The following LMF1 variants were observed in gnomAD, a reference collection of about 807,000 sequenced individuals.
The protein encoded by LMF1 is transmembrane protein 112.
A neutral mutation model predicts 60.6 loss-of-function variants in LMF1; 68 were observed. The observed-to-expected ratio is 1.12, with a 90% confidence interval of 0.92 to 1.37. The LOEUF is 1.37. Among genes scored for constraint, LMF1 ranks in the 40% most tolerant of loss-of-function variants. The pLI is 0.00. For synonymous variants in LMF1, 418 were observed against 324.7 expected (o/e 1.29, Z -3.09); for missense variants, 948 against 767.2 (o/e 1.24, Z -2.78).
intron 10 of LMF1, among the ~76,000 whole-genome samples, chr16:864,596 T>C (rs1345934815): frequency 6.6e-6 from 1 of 152,230 alleles, no homozygotes; most frequent in Non-Finnish European, 1.5e-5. Flanking sequence ...ATTTTTGACT[T>C]ACATTTTCAA....
chr16:972,595 GGC>G (rs1038936012), upstream of LMF1, among the ~76,000 whole-genome samples: 1 of 152,232 alleles, frequency 6.6e-6, no homozygotes, highest in African/African-American at 2.4e-5. Flanking sequence ...CTGGGTGCCA[GGC>G]CTGCTAGGGG....
At position 869,315 on chromosome 16, in the gene LMF1, C is replaced by G. The variant is rs1338756834; in HGVS notation, c.1417-259G>C. On this transcript the variant is annotated intron_variant, in intron 9 of 10. Transcript: ENST00000262301. ...CTTGGAGCCTGTCCACCCCAGCACC[C>G]TCTGTCTGGGCCTTGCCTCCCTGAG... 19 of 671,742 alleles carry G rather than the reference C, an allele frequency of 2.8e-5. No individual in the cohort carries two copies. In the Admixed American group the frequency reaches 3.9e-4, roughly 14 times the overall value. The allele number at this position is 671,742 out of a possible 1,614,324, so 41.6% of individuals were successfully genotyped here. A position where few individuals can be genotyped will look rare whatever the true frequency, so the allele number is the denominator to read the frequency against.
intron 1 of LMF1, chr16:977,039 G>T: frequency 2.2e-6 from 1 of 454,212 alleles, no homozygotes; most frequent in Non-Finnish European, 4.4e-6. Flanking sequence ...GCTGCAGGCA[G>T]ACGTAAGCTG....
chr16:918,836 A>AACCCGGCTCTCACGCGGGGCCGGCG, intron 3 of LMF1, among the ~76,000 whole-genome samples: 1 of 136,134 alleles, frequency 7.3e-6, no homozygotes, highest in Non-Finnish European at 1.7e-5. Flanking sequence ...CGGGGCCGGC[A>AACCCGGCTCTCACGCGGGGCCGGCG]TCCCGGGGCG....
chr16:966,855 C>A (rs958062908), intron 1 of LMF1, among the ~76,000 whole-genome samples: 53 of 152,388 alleles, frequency 3.5e-4, no homozygotes, highest in African/African-American at 1.3e-3. Flanking sequence ...AAGTTCTCTG[C>A]AGTGAACTGC....
intron 10 of LMF1, among the ~76,000 whole-genome samples, chr16:860,199 T>G (rs2069416988): frequency 2.3e-5 from 1 of 43,010 alleles, no homozygotes; most frequent in South Asian, 1.4e-3. Flanking sequence ...AAATTATCTT[T>G]GTTCTCTTAA....
At chr16:914,770 C>CTTATGACCATTGGTGACACA in intron 3 of LMF1, among the ~76,000 whole-genome samples, 1 of 151,406 alleles carries the variant, frequency 6.6e-6, no homozygotes, top group African/African-American at 2.4e-5. Flanking sequence ...TCCCTCCCTC[C>CTTATGACCATTGGTGACACA]CTCCCTTCCC....
chr16:981,345 AGAGTGT>A (rs1409433236), upstream of LMF1: 586 of 187,462 alleles, frequency 3.1e-3, 2 homozygotes, highest in African/African-American at 9.7e-3. Flanking sequence ...AGAGAGAGAG[AGAGTGT>A]GTGTGTGTGT....
In LMF1 at chr16:907,245, C is replaced by T. The variant is rs2070993333; in HGVS notation, c.663+3686G>A. Among the ~76,000 whole-genome samples the T allele has an allele frequency of 2.0e-5, 3 of 151,846 alleles. No homozygotes were observed. In the South Asian group the frequency reaches 6.2e-4, roughly 32 times the overall value. On this transcript the variant is annotated intron_variant, in intron 4 of 10. Transcript: ENST00000262301. Reference sequence around the variant, plus strand: ...TGAAACCTAGTCTCTACTAAAAATACAAAAAATCAGCCAGGCGTGATGGCA... The same window carrying T: ...TGAAACCTAGTCTCTACTAAAAATATAAAAAATCAGCCAGGCGTGATGGCA...
At chr16:968,827 G>C (rs2072979751) in intron 1 of LMF1, 1 of 152,222 alleles carries the variant, frequency 6.6e-6, no homozygotes. Flanking sequence ...GTTTGAAAGA[G>C]TCTGAGCTGG....
At chr16:978,214 C>T (rs1414436479) in intron 1 of LMF1, among the ~76,000 whole-genome samples, 5 of 148,284 alleles carry the variant, frequency 3.4e-5, no homozygotes, top group South Asian at 2.1e-4. Context: ...ACATCATACA[C>T]ATACACACCA....
At chr16:954,042 T>C (rs572511193) in intron 2 of LMF1, among the ~76,000 whole-genome samples, 2 of 139,506 alleles carry the variant, frequency 1.4e-5, no homozygotes, top group Non-Finnish European at 3.3e-5. Flanking sequence ...ACCAGCCTCC[T>C]ACACGTCCAC....
chr16:879,650 T>G lies in LMF1; in HGVS notation c.817A>C (p.Ile273Leu), dbSNP rs762056405. 57 of 1,612,864 alleles carry G rather than the reference T, an allele frequency of 3.5e-5. No homozygotes were observed. Among genetic ancestry groups the G allele is most frequent in the Middle Eastern group, 1.6e-4 (1 of 6,084 alleles). ...AGGAAGAAGGGCACCAGGAGCTCGA[T>G]GAAGTGGTTGCTGAGCGTCTCGAAG... ...HRFETLSNHFIELLVPFFLFL... is the reference protein window; with the variant it reads ...HRFETLSNHFLELLVPFFLFL... The change falls in exon 6 of 11, where the codon ATC becomes CTC. Residue 273 changes from isoleucine to leucine, a missense_variant. Coordinates refer to ENST00000262301, the MANE Select transcript of LMF1 (RefSeq NM_022773.4).
chr16:975,166 G>A (rs1162926696), upstream of LMF1, among the ~76,000 whole-genome samples: 2 of 152,138 alleles, frequency 1.3e-5, no homozygotes, highest in African/African-American at 4.8e-5. Context: ...TCGGCTACAG[G>A]TCACGAGTGT....
At chr16:869,546 G>C (rs751517048) in intron 9 of LMF1, 2 of 583,848 alleles carry the variant, frequency 3.4e-6, no homozygotes, top group Admixed American at 4.3e-5. Flanking sequence ...CTCCTCCTGC[G>C]TAGCTGAAAC....
intron 5 of LMF1, among the ~76,000 whole-genome samples, chr16:889,366 A>G (rs142264127): frequency 0.042 from 6,114 of 145,958 alleles, 168 homozygotes; most frequent in Non-Finnish European, 0.057. Flanking sequence ...GCGGATGGCC[A>G]TGGGTGTGAG....
At chr16:955,004 C>T (rs112627050) in intron 1 of LMF1, among the ~76,000 whole-genome samples, 1,214 of 94,084 alleles carry the variant, frequency 0.013, 13 homozygotes, top group African/African-American at 0.036. Context: ...ACATAAAATG[C>T]GTGCCTGCAG....
intron 10 of LMF1, among the ~76,000 whole-genome samples, chr16:864,627 G>A (rs1406395382): frequency 2.0e-5 from 3 of 151,738 alleles, no homozygotes; most frequent in African/African-American, 7.3e-5. Context: ...ATTTATCAGG[G>A]CATAAGCTCA....
intron 3 of LMF1, among the ~76,000 whole-genome samples, chr16:920,813 A>G (rs1303843287): frequency 6.6e-6 from 1 of 152,226 alleles, no homozygotes; most frequent in African/African-American, 2.4e-5. Context: ...GTCAGGAATG[A>G]TAGTCGACTT....
Sources: gnomAD v4.1 joint callset for allele counts (sites outside exome capture counted in the v4.1 genomes callset) on GRCh38, gnomAD v4.1.1 for gene constraint, MANE v1.5 for transcripts, NCBI Gene and HGNC (gene_info 2026-07-23, HGNC 2026-07-21) for gene names.